Variants in PRKN observed in about 807,000 individuals in gnomAD.
PRKN encodes E3 ubiquitin-protein ligase parkin.
In PRKN, 56 loss-of-function variants were observed where a neutral mutation model predicts 59.5. The ratio of observed to expected loss-of-function variants is 0.94; its 90% CI spans 0.76 to 1.18. The LOEUF is 1.18. Among genes scored for constraint, PRKN ranks in the 50% most tolerant of loss-of-function variants. The pLI, the probability that PRKN is intolerant of heterozygous loss-of-function variation, is 0.00. For synonymous variants in PRKN, 250 were observed against 222.1 expected, an observed-to-expected ratio of 1.13 and a Z score of -1.12; for missense variants, 657 against 596.4, an observed-to-expected ratio of 1.10 and a Z score of -1.06.
intron 7 of PRKN, among the ~76,000 whole-genome samples, chr6:161,693,027 T>G (rs1304885341): frequency 6.6e-6 from 1 of 152,022 alleles, no homozygotes; most frequent in Non-Finnish European, 1.5e-5. Context: ...CTGGTAATTT[T>G]GGGTTCTTGA....
chr6:162,324,055 A>C (rs145286170), intron 2 of PRKN, among the ~76,000 whole-genome samples: 4 of 152,102 alleles, frequency 2.6e-5, no homozygotes, highest in African/African-American at 9.7e-5. Context: ...ACAGGTGTGC[A>C]ACTTTCTAGT....
chr6:161,850,056 C>T (rs1793362583), intron 6 of PRKN, among the ~76,000 whole-genome samples: 1 of 152,090 alleles, frequency 6.6e-6, no homozygotes, highest in Admixed American at 6.5e-5. Flanking sequence ...CACCCTCCTT[C>T]CCTCATGGTG....
chr6:161,739,253 T>C (rs1029844232), intron 7 of PRKN, among the ~76,000 whole-genome samples: 18 of 151,786 alleles, frequency 1.2e-4, no homozygotes, highest in African/African-American at 4.4e-4. Context: ...ACCAAAAACA[T>C]AAAAATTCAC....
rs1779721954 is a variant in PRKN, at chr6:161,544,367, T to C, written c.1083+4487A>G. On this transcript the variant is annotated intron_variant, in intron 9 of 11. Transcript: ENST00000366898. The surrounding 1 kb of genome is among the most constrained non-coding windows in gnomAD (Gnocchi z 5.5). ...GTATAAGTATATAAAGGTGCTTACG[T>C]ATTTTTCAAAGAGCTCTTTGTTGGG... 6.6e-6 allele frequency among the ~76,000 whole-genome samples: 1 copy of C among 152,228 alleles called. No homozygotes were observed. The highest frequency in any genetic ancestry group is 1.9e-4 in the East Asian group (1 of 5,200).
chr6:162,185,618 C>T (rs558501440), intron 4 of PRKN, among the ~76,000 whole-genome samples: 93 of 152,252 alleles, frequency 6.1e-4, no homozygotes, highest in African/African-American at 1.7e-3. Flanking sequence ...ATGACAGCAG[C>T]TCTGTGGTAC....
chr6:162,202,202 A>AT lies in PRKN; in HGVS notation c.413-951dup, dbSNP rs531309780. ...CATCAGAGGCACCTAGAGATAATAT[A>AT]TTTTTTTTTAACATTTGGAATGAAA... On this transcript the variant is annotated intron_variant, in intron 3 of 11. Coordinates refer to ENST00000366898, the MANE Select transcript of PRKN (RefSeq NM_004562.3). Among the ~76,000 whole-genome samples, 37 of 151,456 alleles carry AT rather than the reference A, an allele frequency of 2.4e-4. 1 individual carries two copies. In the South Asian group the frequency reaches 3.3e-3, roughly 14 times the overall value.
chr6:162,593,034 C>T (rs189072375), intron 1 of PRKN, among the ~76,000 whole-genome samples: 3 of 152,010 alleles, frequency 2.0e-5, no homozygotes, highest in Non-Finnish European at 2.9e-5. Context: ...ATGATGACAA[C>T]CAGACCAAGG....
rs185115027 is a variant in PRKN, at chr6:161,719,936, G to A, written c.871+65836C>T. Among the ~76,000 whole-genome samples, 424 of 152,304 alleles carry A rather than the reference G, an allele frequency of 2.8e-3. 2 individuals are homozygous for A. Among genetic ancestry groups the A allele is most frequent in the Non-Finnish European group, 4.9e-3 (332 of 68,028 alleles). On this transcript the variant is annotated intron_variant, in intron 7 of 11. Coordinates refer to ENST00000366898, the MANE Select transcript of PRKN (RefSeq NM_004562.3). ...CATAGGCCACTGCACCCAGCCCGCT[G>A]TTCTAACCCACTTCACTGAGTCCGT...
chr6:161,620,357 T>C (rs1024407939), intron 7 of PRKN, among the ~76,000 whole-genome samples: 24 of 152,160 alleles, frequency 1.6e-4, no homozygotes, highest in African/African-American at 5.8e-4. Context: ...ACTCCCACGC[T>C]GTACAGCCCA....
At chr6:161,827,176 C>T (rs1792281161) in intron 6 of PRKN, among the ~76,000 whole-genome samples, 1 of 152,174 alleles carries the variant, frequency 6.6e-6, no homozygotes, top group African/African-American at 2.4e-5. Flanking sequence ...CACCACATTT[C>T]TTCCCACTCA....
chr6:161,811,525 C>T (rs116751588), intron 6 of PRKN, among the ~76,000 whole-genome samples: 520 of 152,240 alleles, frequency 3.4e-3, no homozygotes, highest in African/African-American at 0.012. Flanking sequence ...GAAACATATG[C>T]ACGATAGCAA....
chr6:162,026,441 A>G (rs1783438252), intron 5 of PRKN, among the ~76,000 whole-genome samples: 1 of 152,216 alleles, frequency 6.6e-6, no homozygotes, highest in African/African-American at 2.4e-5. Flanking sequence ...CATTGGCTTC[A>G]TGAACACGTA....
chr6:162,073,980 A>G (rs1055161474), intron 4 of PRKN, among the ~76,000 whole-genome samples: 1 of 151,838 alleles, frequency 6.6e-6, no homozygotes, highest in Non-Finnish European at 1.5e-5. Context: ...GTCAGGAAAC[A>G]ACAGGTGCTG....
At chr6:162,083,101 C>A (rs899305761) in intron 4 of PRKN, among the ~76,000 whole-genome samples, 3 of 151,940 alleles carry the variant, frequency 2.0e-5, no homozygotes, top group Admixed American at 2.0e-4. Context: ...ATTACAGGTG[C>A]CTGCCAACAC....
intron 2 of PRKN, among the ~76,000 whole-genome samples, chr6:162,286,431 C>T (rs909266133): frequency 1.3e-5 from 2 of 152,150 alleles, no homozygotes; most frequent in Non-Finnish European, 2.9e-5. Context: ...CTTCAAACTC[C>T]CTACAACTTC....
At chr6:162,327,109 C>A (rs1242468971) in intron 2 of PRKN, among the ~76,000 whole-genome samples, 3 of 152,160 alleles carry the variant, frequency 2.0e-5, no homozygotes, top group Admixed American at 1.3e-4. Flanking sequence ...ACAGGAAATA[C>A]CGCCCTTCCA....
At chr6:162,375,116 G>A (rs1785990245) in intron 2 of PRKN, among the ~76,000 whole-genome samples, 1 of 152,044 alleles carries the variant, frequency 6.6e-6, no homozygotes, top group African/African-American at 2.4e-5. Context: ...AGTCTATTAT[G>A]AGGGATGCAT....
At chr6:162,624,989 T>C (rs73595998) in intron 1 of PRKN, among the ~76,000 whole-genome samples, 3,144 of 152,344 alleles carry the variant, frequency 0.021, 110 homozygotes, top group African/African-American at 0.07. Context: ...CTTCCTACTA[T>C]GCCCTTCCTT....
chr6:162,669,068 T>C (rs577940758), intron 1 of PRKN, among the ~76,000 whole-genome samples: 35 of 151,252 alleles, frequency 2.3e-4, no homozygotes, highest in Admixed American at 1.3e-3. Flanking sequence ...ACAGGAAAGA[T>C]TGAGTTTTGA....
Sources: gnomAD v4.1 joint callset for allele counts (sites outside exome capture counted in the v4.1 genomes callset) on GRCh38, gnomAD v4.1.1 for gene constraint, Gnocchi (gnomAD v3.1) non-coding constraint, MANE v1.5 for transcripts, NCBI Gene and HGNC (gene_info 2026-07-23, HGNC 2026-07-21) for gene names.